PCDH15: variants seen among roughly 807,000 people sequenced by gnomAD.
PCDH15 encodes protocadherin related 15, also known as protocadherin-15.
Under a neutral mutation model 178.5 loss-of-function variants are expected in PCDH15, and 129 were observed. The ratio of observed to expected loss-of-function variants is 0.72; its 90% CI spans 0.63 to 0.84. The LOEUF (loss-of-function observed/expected upper bound fraction) is 0.84. Among genes scored for constraint, PCDH15 ranks in the 40% least tolerant of loss-of-function variants. PCDH15 has a pLI of 0.00. For missense variants in PCDH15, 2,230 were observed against 2,099.9 expected (o/e 1.06, Z -1.21); for synonymous variants, 800 against 732.0 (o/e 1.09, Z -1.50).
At chr10:55,620,957 A>G (rs1460909079) in intron 2 of PCDH15, among the ~76,000 whole-genome samples, 2 of 151,832 alleles carry the variant, frequency 1.3e-5, no homozygotes, top group African/African-American at 2.4e-5. Flanking sequence ...TTTAAAGAAC[A>G]TAACATGTCA....
intron 2 of PCDH15, among the ~76,000 whole-genome samples, chr10:55,595,773 C>T (rs1333734927): frequency 6.6e-6 from 1 of 151,898 alleles, no homozygotes; most frequent in African/African-American, 2.4e-5. Flanking sequence ...TTAGAGTATG[C>T]TAGTGCTCAG....
At chr10:54,912,376 T>G (rs754477637) in intron 2 of PCDH15, among the ~76,000 whole-genome samples, 15 of 152,092 alleles carry the variant, frequency 9.9e-5, no homozygotes, top group South Asian at 2.1e-4. Context: ...GATTTGCCCT[T>G]GCTGTTCTCA....
At chr10:55,541,090 T>C (rs1041867686) in intron 2 of PCDH15, among the ~76,000 whole-genome samples, 2 of 152,014 alleles carry the variant, frequency 1.3e-5, no homozygotes, top group African/African-American at 4.8e-5. Flanking sequence ...TGTTGCACAG[T>C]GTAACGTTTA....
At chr10:55,502,263 T>A (rs886759801) in intron 2 of PCDH15, among the ~76,000 whole-genome samples, 1 of 151,668 alleles carries the variant, frequency 6.6e-6, no homozygotes, top group African/African-American at 2.4e-5. Flanking sequence ...GCCTACTAAA[T>A]ACAATGCTTC....
intron 2 of PCDH15, among the ~76,000 whole-genome samples, chr10:55,018,611 G>A (rs907552689): frequency 2.0e-5 from 3 of 152,110 alleles, no homozygotes; most frequent in Admixed American, 6.6e-5. Context: ...GGAAATAAAT[G>A]TGTCTGAATG....
intron 25 of PCDH15, among the ~76,000 whole-genome samples, chr10:53,916,719 A>G (rs1391925072): frequency 6.6e-6 from 1 of 152,196 alleles, no homozygotes; most frequent in African/African-American, 2.4e-5. Context: ...TACCACATGT[A>G]TGCTGTGTGA....
intron 21 of PCDH15, among the ~76,000 whole-genome samples, chr10:53,974,977 T>A (rs1589715824): frequency 6.6e-6 from 1 of 152,264 alleles, no homozygotes; most frequent in Non-Finnish European, 1.5e-5. Flanking sequence ...TGTTCCCATC[T>A]TTTTGTCCAG....
intron 28 of PCDH15, among the ~76,000 whole-genome samples, chr10:53,849,860 C>CAAAAAAAAAAA (rs58458871): frequency 1.9e-5 from 1 of 52,722 alleles, no homozygotes; most frequent in East Asian, 5.1e-4. Flanking sequence ...GGCTCCGTCT[C>CAAAAAAAAAAA]AAAAAAAAAA....
chr10:55,261,832 T>G (rs944186031), intron 1 of PCDH15, among the ~76,000 whole-genome samples: 2 of 152,154 alleles, frequency 1.3e-5, no homozygotes, highest in Non-Finnish European at 2.9e-5. Context: ...TCATTCACTA[T>G]TAGATTGTCT....
chr10:54,959,610 T>C lies in PCDH15; in HGVS notation c.-79-62110A>G, dbSNP rs147305753. ...CACTAATAGTGAGACAACATGATATTATCATATGTGCTCATCAATGTGAAT... is the reference window on the plus strand; with the variant it reads ...CACTAATAGTGAGACAACATGATATCATCATATGTGCTCATCAATGTGAAT... On this transcript the variant is annotated intron_variant, in intron 2 of 5. Transcript: ENST00000458638. Among the ~76,000 whole-genome samples, 350 of 152,200 alleles carry C rather than the reference T, an allele frequency of 2.3e-3. 2 individuals carry two copies. Among genetic ancestry groups the C allele is most frequent in the African/African-American group, 7.9e-3 (328 of 41,578 alleles).
chr10:53,950,877 G>A (rs532967720), intron 23 of PCDH15, among the ~76,000 whole-genome samples: 4 of 152,256 alleles, frequency 2.6e-5, no homozygotes, highest in Admixed American at 6.5e-5. Flanking sequence ...ATAATTGACC[G>A]AAAATCTCTT....
intron 2 of PCDH15, among the ~76,000 whole-genome samples, chr10:55,092,848 GAC>G (rs1261756230): frequency 1.3e-5 from 2 of 151,684 alleles, no homozygotes; most frequent in African/African-American, 4.8e-5. Context: ...AACAACAAAA[GAC>G]ACACACACAT....
At chr10:53,999,902 G>A (rs576289141) in intron 20 of PCDH15, among the ~76,000 whole-genome samples, 1 of 152,180 alleles carries the variant, frequency 6.6e-6, no homozygotes, top group Admixed American at 6.5e-5. Flanking sequence ...AAGACCCAGT[G>A]CTGTGCTGGG....
At chr10:54,294,441 T>C (rs2059618779) in intron 8 of PCDH15, among the ~76,000 whole-genome samples, 1 of 152,182 alleles carries the variant, frequency 6.6e-6, no homozygotes, top group Admixed American at 6.5e-5. Context: ...TGTACACATG[T>C]ACCCTAGAAC....
chr10:54,027,932 T>C (rs2093162475), intron 18 of PCDH15, among the ~76,000 whole-genome samples: 1 of 150,644 alleles, frequency 6.6e-6, no homozygotes, highest in African/African-American at 2.4e-5. Context: ...AAAGACAAAA[T>C]TGACAAATGG....
At chr10:55,497,501 G>A (rs1289619759) in intron 2 of PCDH15, among the ~76,000 whole-genome samples, 1 of 151,670 alleles carries the variant, frequency 6.6e-6, no homozygotes, top group Non-Finnish European at 1.5e-5. Flanking sequence ...TAATAACACA[G>A]CTTTGATGAC....
At chr10:53,944,551 TTAAGCTTTTCGCACCTGATTTA>T (rs1256075995) in intron 23 of PCDH15, among the ~76,000 whole-genome samples, 24 of 152,330 alleles carry the variant, frequency 1.6e-4, no homozygotes, top group African/African-American at 5.5e-4. Flanking sequence ...CTCTTCCAAT[TTAAGCTTTTCGCACCTGATTTA>T]TAACAAATAA....
At chr10:53,995,586 T>C (rs1386677134) in intron 21 of PCDH15, 63 bp downstream of exon 21, 2 of 1,612,986 alleles carry the variant, frequency 1.2e-6, no homozygotes, top group Non-Finnish European at 1.7e-6. Context: ...GATTCGGTCA[T>C]TTATGAGTGT....
At chr10:54,392,541 A>G (rs1589182810) in intron 3 of PCDH15, among the ~76,000 whole-genome samples, 1 of 150,966 alleles carries the variant, frequency 6.6e-6, no homozygotes, top group South Asian at 2.1e-4. Context: ...GAAAGATTAT[A>G]CTTCTGTCCT....
Sources: gnomAD v4.1 joint callset for allele counts (sites outside exome capture counted in the v4.1 genomes callset) on GRCh38, gnomAD v4.1.1 for gene constraint, MANE v1.5 for transcripts, NCBI Gene and HGNC (gene_info 2026-07-23, HGNC 2026-07-21) for gene names.